The following DNM3 variants were observed in gnomAD, a reference collection of about 807,000 sequenced individuals.
DNM3 encodes dynamin 3, also known as dynamin-3.
In DNM3, 47 loss-of-function variants were observed where a neutral mutation model predicts 101.6. The ratio of observed to expected loss-of-function variants is 0.46; its 90% CI spans 0.37 to 0.59. The LOEUF (loss-of-function observed/expected upper bound fraction) is 0.59. Among genes scored for constraint, DNM3 ranks in the 20% least tolerant of loss-of-function variants. The pLI, the probability that DNM3 is intolerant of heterozygous loss-of-function variation, is 0.00. For synonymous variants in DNM3, 385 were observed against 387.9 expected (o/e 0.99, Z 0.09); for missense variants, 849 against 1,085.7 (o/e 0.78, Z 3.06).
At chr1:172,285,583 A>G (rs916480052) in intron 15 of DNM3, among the ~76,000 whole-genome samples, 1 of 152,222 alleles carries the variant, frequency 6.6e-6, no homozygotes, top group Non-Finnish European at 1.5e-5. Context: ...GAGCAGTAGT[A>G]TGAAGACCTA....
At chr1:172,226,186 A>G (rs899906702) in intron 14 of DNM3, among the ~76,000 whole-genome samples, 2 of 152,200 alleles carry the variant, frequency 1.3e-5, no homozygotes, top group Non-Finnish European at 2.9e-5. Context: ...AAATTAAAAT[A>G]TCTCTAATAT....
chr1:171,862,933 TG>T (rs542879735), intron 1 of DNM3, among the ~76,000 whole-genome samples: 379 of 152,020 alleles, frequency 2.5e-3, no homozygotes, highest in African/African-American at 8.6e-3. Flanking sequence ...TGGTAGGAGT[TG>T]GGAAGCCTTA....
chr1:172,119,291 C>T (rs1023948296), intron 13 of DNM3, among the ~76,000 whole-genome samples: 3 of 152,054 alleles, frequency 2.0e-5, no homozygotes, highest in Non-Finnish European at 4.4e-5. Context: ...CACACCTGGC[C>T]AGTTGTTAAA....
chr1:172,312,165 C>T (rs2065109856), intron 16 of DNM3, among the ~76,000 whole-genome samples: 1 of 152,118 alleles, frequency 6.6e-6, no homozygotes, highest in Admixed American at 6.5e-5. Flanking sequence ...TCAGAATAAC[C>T]TAATAACAGA....
intron 14 of DNM3, among the ~76,000 whole-genome samples, chr1:172,148,440 A>G (rs1310374535): frequency 1.3e-5 from 2 of 152,152 alleles, no homozygotes; most frequent in Non-Finnish European, 2.9e-5. Flanking sequence ...TCTTAAAAAA[A>G]TCATAAATAA....
chr1:172,163,994 A>AT lies in DNM3; in HGVS notation c.1659+32715dup, dbSNP rs1330055946. ...ACACACACACACACACACATCTCAC[A>AT]TTTTTTTTTATCCATTCATCTGTTA... On this transcript the variant is annotated intron_variant, in intron 14 of 20. Transcript: ENST00000627582. 4.7e-5 allele frequency among the ~76,000 whole-genome samples: 7 copies of AT among 148,508 alleles called. No homozygotes were observed. The South Asian group carries it at 6.4e-4, about 14-fold the overall frequency.
At chr1:172,018,169 AT>A (rs1210548224) in intron 4 of DNM3, among the ~76,000 whole-genome samples, 1 of 151,980 alleles carries the variant, frequency 6.6e-6, no homozygotes, top group Admixed American at 6.6e-5. Context: ...CTGTCTTTTA[AT>A]TGGTGCATTT....
chr1:172,305,917 C>T (rs1490022485), intron 15 of DNM3, among the ~76,000 whole-genome samples: 1 of 152,164 alleles, frequency 6.6e-6, no homozygotes, highest in Non-Finnish European at 1.5e-5. Context: ...AAGCCCACAG[C>T]CAGTATCATA....
At chr1:171,898,703 T>TGTAG (rs2038029520) in intron 1 of DNM3, among the ~76,000 whole-genome samples, 1 of 127,530 alleles carries the variant, frequency 7.8e-6, no homozygotes, top group African/African-American at 2.8e-5. Flanking sequence ...CATATATATA[T>TGTAG]ATAGAGAGAG....
intron 13 of DNM3, among the ~76,000 whole-genome samples, chr1:172,111,196 T>G (rs962423745): frequency 4.5e-4 from 69 of 152,208 alleles, no homozygotes; most frequent in African/African-American, 1.5e-3. Context: ...TATTGTTGCT[T>G]TAGATGGGAG....
intron 17 of DNM3, among the ~76,000 whole-genome samples, chr1:172,358,390 C>T (rs539654786): frequency 5.9e-5 from 9 of 152,098 alleles, no homozygotes; most frequent in African/African-American, 1.7e-4. Context: ...GAAAGAAGAG[C>T]GGGTTATTTT....
chr1:172,220,779 C>A (rs1018749947), intron 14 of DNM3, among the ~76,000 whole-genome samples: 4 of 152,068 alleles, frequency 2.6e-5, no homozygotes, highest in Non-Finnish European at 4.4e-5. Flanking sequence ...CAGTAAACAC[C>A]AAGCTATCAC....
At chr1:172,308,292 G>T (rs987125927) in intron 15 of DNM3, among the ~76,000 whole-genome samples, 1 of 152,024 alleles carries the variant, frequency 6.6e-6, no homozygotes, top group African/African-American at 2.4e-5. Flanking sequence ...TTTGCATCTG[G>T]CATTGTCTTT....
At position 172,077,181 on chromosome 1, in the gene DNM3, T is replaced by A. The variant is rs182900940; in HGVS notation, c.1423-4651T>A. 3.9e-5 allele frequency among the ~76,000 whole-genome samples: 6 copies of A among 152,318 alleles called. No individual in the cohort carries two copies. The East Asian group carries it at 1.2e-3, about 29-fold the overall frequency. ...GTGATATCCCCTTTATCATTTTTTA[T>A]TGTTTCTATTTGATTCTTCTCTCTT... On this transcript the variant is annotated intron_variant, in intron 11 of 20. Coordinates refer to ENST00000627582, the MANE Select transcript of DNM3 (RefSeq NM_015569.5).
chr1:172,190,404 GTC>G (rs2059673642), intron 14 of DNM3, among the ~76,000 whole-genome samples: 1 of 152,082 alleles, frequency 6.6e-6, no homozygotes, highest in African/African-American at 2.4e-5. Context: ...TCTTAATCCA[GTC>G]TATCATTGAT....
In DNM3 at chr1:172,098,159, G is replaced by A. The variant is rs560860183; in HGVS notation, c.1545+5284G>A. ...AAATTTATTAGGTGGGAATTTCCTCGTCCTAATAAGCCTGGGAGCGATACG... is the reference window on the plus strand; with the variant it reads ...AAATTTATTAGGTGGGAATTTCCTCATCCTAATAAGCCTGGGAGCGATACG... On this transcript the variant is annotated intron_variant, in intron 13 of 20. Coordinates refer to ENST00000627582, the MANE Select transcript of DNM3 (RefSeq NM_015569.5). Among the ~76,000 whole-genome samples the A allele has an allele frequency of 5.3e-5, 8 of 152,218 alleles. No homozygotes were observed. The East Asian group carries it at 7.7e-4, about 15-fold the overall frequency.
intron 18 of DNM3, among the ~76,000 whole-genome samples, chr1:172,384,182 G>A (rs2069067775): frequency 1.3e-5 from 2 of 152,070 alleles, no homozygotes; most frequent in South Asian, 4.1e-4. Context: ...ACAAAGCTAG[G>A]TTAGCAGAAG....
chr1:172,048,853 T>C, intron 10 of DNM3, 103 bp downstream of exon 10: 1 of 1,402,958 alleles, frequency 7.1e-7, no homozygotes, highest in Admixed American at 2.1e-5. Flanking sequence ...TTGTTATAGA[T>C]GTTGTGTGTT....
intron 14 of DNM3, among the ~76,000 whole-genome samples, chr1:172,222,813 A>G (rs2060957392): frequency 1.3e-5 from 2 of 152,176 alleles, no homozygotes; most frequent in South Asian, 4.1e-4. Flanking sequence ...TCCACTAGTC[A>G]AAGATCTCAG....
Sources: allele counts gnomAD v4.1 joint callset (sites outside exome capture counted in the v4.1 genomes callset), GRCh38; gene constraint gnomAD v4.1.1; transcripts MANE v1.5; gene names NCBI Gene and HGNC (gene_info 2026-07-23, HGNC 2026-07-21).